The following ADGRD1 variants were observed in gnomAD, a reference collection of about 807,000 sequenced individuals.
ADGRD1 encodes adhesion G protein-coupled receptor D1.
Under a neutral mutation model 113.4 loss-of-function variants are expected in ADGRD1, and 77 were observed. That is an observed-to-expected ratio of 0.68 (90% confidence interval 0.57 to 0.82). The LOEUF (loss-of-function observed/expected upper bound fraction) is 0.82. Among genes scored for constraint, ADGRD1 ranks in the 40% least tolerant of loss-of-function variants. The pLI is 0.00. For missense variants in ADGRD1, 1,036 were observed against 1,139.1 expected (o/e 0.91, Z 1.30); for synonymous variants, 474 against 475.0 (o/e 1.00, Z 0.03).
chr12:131,050,915 G>C lies in ADGRD1; in HGVS notation c.1474-25886G>C, dbSNP rs1883313568. On this transcript the variant is annotated intron_variant, in intron 13 of 24. Coordinates refer to ENST00000261654, the MANE Select transcript of ADGRD1 (RefSeq NM_198827.5). The surrounding 1 kb of genome is among the most constrained non-coding windows in gnomAD (Gnocchi z 4.8). ...GCTGATCTGATAGGAGGGGAGCTCA[G>C]GTGGGAATGCCTGCTTGCCCACCGC... Among the ~76,000 whole-genome samples, 1 of 152,168 alleles carries C rather than the reference G, an allele frequency of 6.6e-6. No individual in the cohort carries two copies. The highest frequency in any genetic ancestry group is 2.4e-5 in the African/African-American group (1 of 41,436).
chr12:131,094,590 G>A (rs953276555), intron 15 of ADGRD1, among the ~76,000 whole-genome samples: 1 of 147,174 alleles, frequency 6.8e-6, no homozygotes, highest in Non-Finnish European at 1.5e-5. Context: ...GCGCCCCCCC[G>A]ACTCCCCAAG....
At chr12:131,104,157 A>G (rs1950169922) in intron 15 of ADGRD1, among the ~76,000 whole-genome samples, 1 of 152,088 alleles carries the variant, frequency 6.6e-6, no homozygotes, top group South Asian at 2.1e-4. Context: ...CACCGTGTCC[A>G]TTTAGAGAGC....
chr12:130,973,285 T>A (rs1394816285), intron 4 of ADGRD1: 4 of 152,246 alleles, frequency 2.6e-5, no homozygotes. Context: ...GACCTGTTTG[T>A]GGGGATCTTG....
At chr12:131,079,119 A>G (rs1228985393) in intron 14 of ADGRD1, among the ~76,000 whole-genome samples, 3 of 152,146 alleles carry the variant, frequency 2.0e-5, no homozygotes, top group Admixed American at 1.3e-4. Flanking sequence ...AGCCTTTTGG[A>G]GTCTAGCCTC....
At chr12:131,042,036 T>C (rs1882184268) in intron 13 of ADGRD1, among the ~76,000 whole-genome samples, 1 of 152,180 alleles carries the variant, frequency 6.6e-6, no homozygotes, top group African/African-American at 2.4e-5. Context: ...CATTTTATTA[T>C]CGGCTGCGCC....
intron 15 of ADGRD1, among the ~76,000 whole-genome samples, chr12:131,089,604 G>A (rs1237583172): frequency 6.6e-6 from 1 of 152,050 alleles, no homozygotes; most frequent in Non-Finnish European, 1.5e-5. Context: ...GCCAGTGAGT[G>A]CTCCCTACCT....
intron 13 of ADGRD1, among the ~76,000 whole-genome samples, chr12:131,053,633 A>C (rs565495239): frequency 6.6e-5 from 10 of 152,292 alleles, no homozygotes; most frequent in African/African-American, 2.2e-4. Context: ...GGTGCTAATC[A>C]ACATGGATAA....
chr12:130,969,027 G>A (rs1208946863), intron 3 of ADGRD1: 2 of 1,535,098 alleles, frequency 1.3e-6, no homozygotes, highest in African/African-American at 1.4e-5. Context: ...TGCTACTTTT[G>A]TGTATTCCAA....
In ADGRD1 at chr12:131,075,707, G is replaced by C. The variant is rs1885548768; in HGVS notation, c.1474-1094G>C. ...AGGGGCACCAGAGCTGCTGCTTCCT[G>C]GGAAAGGAGGGGCTTTTGGTCGAGG... On this transcript the variant is annotated intron_variant, in intron 13 of 24. Transcript: ENST00000261654. This position sits in a 1 kb window ranked among gnomAD's most constrained non-coding sequence, Gnocchi z 5.3. Among the ~76,000 whole-genome samples, 1 of 152,190 alleles carries C rather than the reference G, an allele frequency of 6.6e-6. No homozygotes were observed. Among genetic ancestry groups the C allele is most frequent in the South Asian group, 2.1e-4 (1 of 4,824 alleles).
intron 15 of ADGRD1, among the ~76,000 whole-genome samples, chr12:131,093,510 A>G (rs4759844): frequency 0.26 from 39,372 of 152,134 alleles, 5,983 homozygotes; most frequent in South Asian, 0.44. Context: ...GCTCCAGGGA[A>G]GGGCACAGGG....
At chr12:131,105,199 G>T (rs78403790) in intron 16 of ADGRD1, among the ~76,000 whole-genome samples, 1,902 of 152,384 alleles carry the variant, frequency 0.012, 39 homozygotes, top group African/African-American at 0.042. Flanking sequence ...CAGCACAGGC[G>T]TGTGGTCGGC....
chr12:131,042,156 T>G (rs1012940742), intron 13 of ADGRD1, among the ~76,000 whole-genome samples: 1 of 152,206 alleles, frequency 6.6e-6, no homozygotes, highest in Non-Finnish European at 1.5e-5. Context: ...TGATCCAGAT[T>G]TTTTTGGTAA....
rs763439227 is a variant in ADGRD1, at chr12:131,005,957, C to T, written c.1256-15C>T. On this transcript the variant is annotated splice_polypyrimidine_tract_variant and intron_variant, in intron 11 of 24. Transcript: ENST00000261654. The stretch of plus-strand genomic sequence containing the variant: ...TGGAGCGCTGACAGCGCCTGCCCCT[C>T]TGCTCTCTCTGCAGCCTGGAGCACC... 3.7e-6 allele frequency: 6 copies of T among 1,607,916 alleles called. No homozygotes were observed. The Admixed American group carries it at 1.0e-4, about 27-fold the overall frequency.
At chr12:131,036,984 A>G (rs71448229) in intron 13 of ADGRD1, among the ~76,000 whole-genome samples, 81,287 of 126,768 alleles carry the variant, frequency 0.64, 26,118 homozygotes, top group African/African-American at 0.72. Flanking sequence ...CACTGCATGG[A>G]GCCTCACTCA....
At chr12:131,098,368 G>A (rs998325849) in intron 15 of ADGRD1, among the ~76,000 whole-genome samples, 5 of 152,172 alleles carry the variant, frequency 3.3e-5, no homozygotes. Flanking sequence ...CCATGGTGGG[G>A]GAATGGGGGT....
chr12:131,042,233 G>A (rs1162973587), intron 13 of ADGRD1, among the ~76,000 whole-genome samples: 8 of 152,160 alleles, frequency 5.3e-5, no homozygotes, highest in African/African-American at 7.2e-5. Flanking sequence ...TGCTGAACAG[G>A]CCAAACCCAG....
rs1388967686 is a variant in ADGRD1 at position 131,141,274 on chromosome 12, A to G, written c.*2011A>G. On this transcript the variant is annotated 3_prime_UTR_variant, in exon 25 of 25. Coordinates refer to ENST00000261654, the MANE Select transcript of ADGRD1 (RefSeq NM_198827.5). ...TGTCTAAACCTTTTGTTTCCAATGA[A>G]TGAAAGTCATGCACTTTATTTATAG... 2 of 152,246 alleles carry G rather than the reference A, an allele frequency of 1.3e-5. No homozygotes were observed. Among genetic ancestry groups the G allele is most frequent in the East Asian group, 1.9e-4 (1 of 5,202 alleles). The allele number at this position is 152,246 out of a possible 1,614,324, so 9.4% of individuals were successfully genotyped here. A position where few individuals can be genotyped will look rare whatever the true frequency, so the allele number is the denominator to read the frequency against.
chr12:130,983,287 C>T (rs1011625427), intron 5 of ADGRD1, among the ~76,000 whole-genome samples: 15 of 152,240 alleles, frequency 9.9e-5, no homozygotes, highest in African/African-American at 3.1e-4. Flanking sequence ...TCGGTGTGCT[C>T]GGACCAGCTT....
intron 8 of ADGRD1, among the ~76,000 whole-genome samples, chr12:130,997,380 G>A (rs1268274988): frequency 1.3e-4 from 15 of 111,862 alleles, no homozygotes; most frequent in African/African-American, 2.2e-4. Flanking sequence ...GGTGGCTGCC[G>A]GGCGGAGGGG....
Sources: gnomAD v4.1 joint callset for allele counts (sites outside exome capture counted in the v4.1 genomes callset) on GRCh38, gnomAD v4.1.1 for gene constraint, Gnocchi (gnomAD v3.1) non-coding constraint, MANE v1.5 for transcripts, NCBI Gene and HGNC (gene_info 2026-07-23, HGNC 2026-07-21) for gene names.